The following MMRN1 variants were observed in gnomAD, a reference collection of about 807,000 sequenced individuals.
MMRN1 encodes multimerin-1.
In MMRN1, 94 loss-of-function variants were observed where a neutral mutation model predicts 100.7. The observed-to-expected ratio is 0.93, with a 90% CI of 0.79 to 1.11. The LOEUF (loss-of-function observed/expected upper bound fraction) is 1.11. Among genes scored for constraint, MMRN1 ranks in the 50% least tolerant of loss-of-function variants. The probability of loss-of-function intolerance (pLI) is 0.00; values close to 1 mark genes in which losing one functional copy is unlikely to be tolerated. For synonymous variants in MMRN1, 575 were observed against 505.0 expected (o/e 1.14, Z -1.86); for missense variants, 1,606 against 1,439.1 (o/e 1.12, Z -1.88).
chr4:89,923,184 T>G lies in MMRN1; in HGVS notation c.867T>G (p.Ser289Arg). The stretch of plus-strand genomic sequence containing the variant: ...TCCTTCTAGCCCAGGAACAGCAAAG[T>G]TTGATACACACCAACCAGGCTGAAA... ...KCQLRAQEQQ[S>R]LIHTNQAESH... The change falls in exon 4 of 8, where the codon AGT (serine) becomes AGG (arginine). Residue 289 changes from serine to arginine, a missense_variant. Transcript: ENST00000264790. 6.2e-7 allele frequency: 1 copy of G among 1,613,938 alleles called. No homozygotes were observed. Among genetic ancestry groups the G allele is most frequent in the African/African-American group, 1.3e-5 (1 of 75,036 alleles).
At chr4:89,893,180 G>C (rs1282132359), upstream of MMRN1, among the ~76,000 whole-genome samples, 3 of 151,928 alleles carry the variant, frequency 2.0e-5, no homozygotes, top group Admixed American at 6.6e-5. Flanking sequence ...GATTGTCTCT[G>C]CTGGACCTTT....
intron 4 of MMRN1, among the ~76,000 whole-genome samples, chr4:89,926,757 T>G (rs188655133): frequency 6.6e-6 from 1 of 152,278 alleles, no homozygotes; most frequent in Admixed American, 6.5e-5. Context: ...TAGTTTCATG[T>G]TTTGAGGTCT....
intron 1 of MMRN1, among the ~76,000 whole-genome samples, chr4:89,880,799 G>A (rs1720799616): frequency 6.6e-6 from 1 of 152,046 alleles, no homozygotes; most frequent in Non-Finnish European, 1.5e-5. Flanking sequence ...CTGAGGCTTG[G>A]CAAGATCAAG....
chr4:89,909,152 C>A (rs775383997), intron 1 of MMRN1, 124 bp from the exon 2 acceptor site: 3 of 910,688 alleles, frequency 3.3e-6, no homozygotes, highest in Non-Finnish European at 4.9e-6. Context: ...AGCTAAATAG[C>A]AATCTTACAA....
chr4:89,910,147 C>A (rs1313845121), intron 2 of MMRN1, among the ~76,000 whole-genome samples: 1 of 151,280 alleles, frequency 6.6e-6, no homozygotes, highest in African/African-American at 2.4e-5. Context: ...AATAAGGATA[C>A]ATAAAATCAA....
intron 6 of MMRN1, among the ~76,000 whole-genome samples, chr4:89,944,610 A>G (rs1463095146): frequency 1.3e-5 from 2 of 152,190 alleles, no homozygotes; most frequent in South Asian, 2.1e-4. Flanking sequence ...GGTTGTTTAG[A>G]GGCAGGCAAA....
chr4:89,892,620 C>T (rs1721080235), upstream of MMRN1, among the ~76,000 whole-genome samples: 1 of 151,692 alleles, frequency 6.6e-6, no homozygotes, highest in Admixed American at 6.6e-5. Context: ...TGCAAGATGG[C>T]TTAGTAGATC....
chr4:89,927,513 G>T (rs1722299621), intron 4 of MMRN1, among the ~76,000 whole-genome samples: 1 of 151,960 alleles, frequency 6.6e-6, no homozygotes, highest in Admixed American at 6.6e-5. Context: ...TAGTTTTTTG[G>T]TGGAGTCTTC....
intron 1 of MMRN1, among the ~76,000 whole-genome samples, chr4:89,902,460 T>A (rs1236104394): frequency 6.6e-6 from 1 of 152,022 alleles, no homozygotes; most frequent in Admixed American, 6.6e-5. Context: ...TGTACCACTT[T>A]AAAAATATAC....
intron 5 of MMRN1, among the ~76,000 whole-genome samples, chr4:89,929,752 C>T (rs1173687076): frequency 2.0e-5 from 3 of 152,090 alleles, no homozygotes; most frequent in Non-Finnish European, 4.4e-5. Context: ...ATTATAAGAA[C>T]CAGAGGGCTT....
intron 1 of MMRN1, among the ~76,000 whole-genome samples, chr4:89,886,508 T>C (rs900801972): frequency 2.0e-5 from 3 of 152,114 alleles, no homozygotes; most frequent in African/African-American, 7.2e-5. Flanking sequence ...TTAAAAAGTA[T>C]GTGTTCTGTA....
At chr4:89,899,631 C>T (rs1418108666) in intron 1 of MMRN1, among the ~76,000 whole-genome samples, 2 of 152,118 alleles carry the variant, frequency 1.3e-5, no homozygotes, top group Non-Finnish European at 2.9e-5. Flanking sequence ...TACAATCTAA[C>T]TGCCTACTTA....
At chr4:89,883,673 AT>A (rs1032975283) in intron 1 of MMRN1, among the ~76,000 whole-genome samples, 1 of 152,030 alleles carries the variant, frequency 6.6e-6, no homozygotes, top group East Asian at 1.9e-4. Flanking sequence ...AATTTCTATT[AT>A]TTTCCTCCAA....
rs1027557250 is a variant in MMRN1 at position 89,915,708 on chromosome 4, G to GA, written c.850+3665dup. On this transcript the variant is annotated intron_variant, in intron 3 of 7. Coordinates refer to ENST00000264790, the MANE Select transcript of MMRN1 (RefSeq NM_007351.3). ...AAGGTCAGGGCTTCCATTGCAAGGG[G>GA]AAAAAAAGAGAGTAACTGTCCTGGG... is the stretch of plus-strand genomic sequence containing the variant. Among the ~76,000 whole-genome samples, 11 of 151,330 alleles carry GA rather than the reference G, an allele frequency of 7.3e-5. 1 individual carries two copies. The highest frequency in any genetic ancestry group is 2.7e-4 in the African/African-American group (11 of 41,292).
At chr4:89,927,426 G>A (rs779315215) in intron 4 of MMRN1, among the ~76,000 whole-genome samples, 2 of 151,910 alleles carry the variant, frequency 1.3e-5, no homozygotes, top group Non-Finnish European at 2.9e-5. Flanking sequence ...TTCACTGCTG[G>A]CATATAAAAA....
intron 6 of MMRN1, among the ~76,000 whole-genome samples, chr4:89,938,528 G>A (rs1414121444): frequency 4.9e-5 from 6 of 121,404 alleles, no homozygotes; most frequent in African/African-American, 2.0e-4. Flanking sequence ...ATATATATAT[G>A]CTATTTTCAT....
chr4:89,909,452 G>T (rs41284763), intron 2 of MMRN1, 57 bp downstream of exon 2: 57,470 of 1,576,650 alleles, frequency 0.036, 1,222 homozygotes, highest in Non-Finnish European at 0.044. Context: ...AATTATAGCC[G>T]GGAATATATA....
intron 6 of MMRN1, among the ~76,000 whole-genome samples, chr4:89,942,799 A>T (rs2110645804): frequency 6.6e-6 from 1 of 152,282 alleles, no homozygotes; most frequent in East Asian, 1.9e-4. Flanking sequence ...TCAATGAAAA[A>T]AAATGATCGC....
At chr4:89,923,384 G>A (rs1160001945) in intron 4 of MMRN1, 112 bp downstream of exon 4, 1 of 958,320 alleles carries the variant, frequency 1.0e-6, no homozygotes, top group South Asian at 1.5e-5. Context: ...TGACACATTA[G>A]CATACTTCTC....
Sources: gnomAD v4.1 joint callset for allele counts (sites outside exome capture counted in the v4.1 genomes callset) on GRCh38, gnomAD v4.1.1 for gene constraint, MANE v1.5 for transcripts, NCBI Gene and HGNC (gene_info 2026-07-23, HGNC 2026-07-21) for gene names.